PDE1C: variants seen among roughly 807,000 people sequenced by gnomAD.
PDE1C encodes the protein phosphodiesterase 1C.
In PDE1C, 62 loss-of-function variants were observed where a neutral mutation model predicts 93.1. The observed-to-expected ratio is 0.67, with a 90% CI of 0.54 to 0.82. The LOEUF (loss-of-function observed/expected upper bound fraction) is 0.82, where lower values mean the gene tolerates loss of function less well. Ranked by LOEUF, PDE1C falls within the 40% of genes least tolerant of loss-of-function variation. PDE1C has a pLI of 0.00. For missense variants in PDE1C, 742 were observed against 884.6 expected, an observed-to-expected ratio of 0.84 and a Z score of 2.04; for synonymous variants, 325 against 310.1, an observed-to-expected ratio of 1.05 and a Z score of -0.50.
chr7:31,643,580 G>A, the PDE1C span: 2 of 1,614,052 alleles, frequency 1.2e-6, no homozygotes, highest in Non-Finnish European at 1.7e-6. Flanking sequence ...TCTTTAGAAT[G>A]CACTGTGTGT....
chr7:31,651,940 G>C, the PDE1C span: 1 of 1,588,418 alleles, frequency 6.3e-7, no homozygotes, highest in Non-Finnish European at 8.6e-7. Flanking sequence ...TACTTGCAGG[G>C]AGGAGGCCGA....
At chr7:31,622,341 G>C in the PDE1C span, among the ~76,000 whole-genome samples, 2 of 151,928 alleles carry the variant, frequency 1.3e-5, no homozygotes, top group African/African-American at 4.8e-5. Context: ...TTCAAAAATT[G>C]ACCAGATAGT....
chr7:31,643,575 A>G, the PDE1C span: 1 of 1,614,026 alleles, frequency 6.2e-7, no homozygotes, highest in Admixed American at 1.7e-5. Flanking sequence ...GAACATCTTT[A>G]GAATGCACTG....
At chr7:32,023,999 G>A (rs920728719) in intron 2 of PDE1C, among the ~76,000 whole-genome samples, 1 of 152,138 alleles carries the variant, frequency 6.6e-6, no homozygotes, top group Non-Finnish European at 1.5e-5. Flanking sequence ...GAGGGAGCTG[G>A]AAGGTGAATA....
intron 10 of PDE1C, among the ~76,000 whole-genome samples, 156 bp downstream of exon 10, chr7:31,837,714 T>C (rs1298399257): frequency 1.3e-5 from 2 of 152,228 alleles, no homozygotes; most frequent in Admixed American, 6.6e-5. Flanking sequence ...TTGTGGTAGG[T>C]ACAACTTTTA....
chr7:31,696,849 A>G, the PDE1C span: 3 of 1,182,910 alleles, frequency 2.5e-6, no homozygotes, highest in South Asian at 5.5e-5. Context: ...TATTAAAGTA[A>G]GTTTGGAAAG....
At chr7:31,822,144 T>C (rs1789049247) in intron 14 of PDE1C, among the ~76,000 whole-genome samples, 1 of 152,074 alleles carries the variant, frequency 6.6e-6, no homozygotes, top group African/African-American at 2.4e-5. Flanking sequence ...CAAGGATGTC[T>C]GTTACTCATC....
chr7:31,819,655 A>T (rs886431178), intron 14 of PDE1C, among the ~76,000 whole-genome samples: 5 of 152,042 alleles, frequency 3.3e-5, no homozygotes, highest in Admixed American at 3.3e-4. Flanking sequence ...GAGATCCATA[A>T]ATTTGCTTCC....
intron 3 of PDE1C, among the ~76,000 whole-genome samples, chr7:32,104,192 G>A (rs1316514926): frequency 6.6e-6 from 1 of 152,156 alleles, no homozygotes; most frequent in Non-Finnish European, 1.5e-5. Flanking sequence ...ACACTGCCCA[G>A]TGTAAAGAGA....
rs183973895 is a variant in PDE1C at position 32,030,179 on chromosome 7, G to C, written c.128+21375C>G. 2.0e-5 allele frequency among the ~76,000 whole-genome samples: 3 copies of C among 151,594 alleles called. No individual in the cohort carries two copies. The Admixed American group carries it at 2.0e-4, about 10-fold the overall frequency. ...GGAACCTGGGATAAGTTGGTTGTGG[G>C]GATAGAGGAGGAATCAAAGAAGACT... On this transcript the variant is annotated intron_variant, in intron 2 of 17. Transcript: ENST00000396191.
chr7:31,833,766 A>G (rs1327036627), intron 11 of PDE1C, among the ~76,000 whole-genome samples: 1 of 152,236 alleles, frequency 6.6e-6, no homozygotes, highest in Non-Finnish European at 1.5e-5. Context: ...ATTCGGTTTT[A>G]AAAGGGAAAC....
At chr7:31,998,437 T>A (rs977359466) in intron 2 of PDE1C, among the ~76,000 whole-genome samples, 47 of 152,338 alleles carry the variant, frequency 3.1e-4, no homozygotes, top group African/African-American at 1.1e-3. Flanking sequence ...ATGGTAGGCC[T>A]CTGTGCATTT....
chr7:31,831,825 A>G (rs2128753127), intron 11 of PDE1C, among the ~76,000 whole-genome samples: 2 of 152,198 alleles, frequency 1.3e-5, no homozygotes, highest in Middle Eastern at 6.8e-3. Context: ...GAAAAAGAGC[A>G]AAGGGAGGAG....
At chr7:31,720,251 G>A in the PDE1C span, among the ~76,000 whole-genome samples, 1 of 151,478 alleles carries the variant, frequency 6.6e-6, no homozygotes, top group Non-Finnish European at 1.5e-5. Flanking sequence ...TGGAGTAGGG[G>A]AGGTAGCCCC....
chr7:31,913,718 C>T (rs1202935987), intron 2 of PDE1C, among the ~76,000 whole-genome samples: 1 of 152,204 alleles, frequency 6.6e-6, no homozygotes, highest in Non-Finnish European at 1.5e-5. Flanking sequence ...GATGCTGTGT[C>T]ATCCCCTTTG....
intron 17 of PDE1C, among the ~76,000 whole-genome samples, chr7:31,772,074 G>A (rs139243319): frequency 1.3e-5 from 2 of 151,554 alleles, no homozygotes; most frequent in Non-Finnish European, 2.9e-5. Context: ...AAGATATTTG[G>A]GTTTTGGGTT....
chr7:31,832,644 G>C (rs2128754572), intron 11 of PDE1C, among the ~76,000 whole-genome samples: 1 of 152,114 alleles, frequency 6.6e-6, no homozygotes, highest in East Asian at 1.9e-4. Context: ...TGGCATCTAG[G>C]TTAAAATATT....
intron 3 of PDE1C, among the ~76,000 whole-genome samples, chr7:32,079,356 G>A (rs1796529990): frequency 2.0e-5 from 3 of 152,212 alleles, no homozygotes; most frequent in Admixed American, 2.0e-4. Flanking sequence ...AAAGGGTGCT[G>A]AAAAGAAAAA....
At chr7:31,882,642 A>T (rs1211881883) in intron 2 of PDE1C, among the ~76,000 whole-genome samples, 1 of 152,236 alleles carries the variant, frequency 6.6e-6, no homozygotes, top group Non-Finnish European at 1.5e-5. Context: ...ACTCTCAAAC[A>T]TAAGAGTAAA....
Sources: gnomAD v4.1 joint callset for allele counts (sites outside exome capture counted in the v4.1 genomes callset) on GRCh38, gnomAD v4.1.1 for gene constraint, MANE v1.5 for transcripts, NCBI Gene and HGNC (gene_info 2026-07-23, HGNC 2026-07-21) for gene names.